KCNAB1: variants seen among roughly 807,000 people sequenced by gnomAD.
The protein encoded by KCNAB1 is voltage-gated potassium channel subunit beta-1.
In KCNAB1, 35 loss-of-function variants were observed where a neutral mutation model predicts 64.6. The observed-to-expected ratio is 0.54, with a 90% CI of 0.41 to 0.72. The LOEUF (loss-of-function observed/expected upper bound fraction) is 0.72. Ranked by LOEUF, KCNAB1 falls within the 30% of genes least tolerant of loss-of-function variation. The probability of loss-of-function intolerance (pLI) is 0.00; values close to 1 mark genes in which losing one functional copy is unlikely to be tolerated. For missense variants in KCNAB1, 401 were observed against 512.9 expected (o/e 0.78, Z 2.11); for synonymous variants, 177 against 183.8 (o/e 0.96, Z 0.30).
chr3:156,176,395 C>G, intron 1 of KCNAB1: 2 of 787,200 alleles, frequency 2.5e-6, no homozygotes, highest in Non-Finnish European at 4.7e-6. Flanking sequence ...CAAAGCTTAA[C>G]TGTGCCATCG....
intron 1 of KCNAB1, among the ~76,000 whole-genome samples, chr3:156,218,786 C>CAAAAA (rs1228783831): frequency 7.6e-5 from 7 of 92,586 alleles, no homozygotes; most frequent in African/African-American, 1.3e-4. Context: ...CCCAGAACAG[C>CAAAAA]AAAAAAAAAA....
At chr3:156,141,859 C>G (rs888332122) in intron 1 of KCNAB1, among the ~76,000 whole-genome samples, 3 of 152,132 alleles carry the variant, frequency 2.0e-5, no homozygotes, top group African/African-American at 7.2e-5. Context: ...GTGGCTGAAC[C>G]ATTTAACATT....
At chr3:156,420,992 G>A (rs1715430213) in intron 1 of KCNAB1, among the ~76,000 whole-genome samples, 1 of 148,704 alleles carries the variant, frequency 6.7e-6, no homozygotes. Flanking sequence ...ATATATCTAT[G>A]TATTATATTA....
At chr3:156,437,220 C>T (rs1284066779) in intron 2 of KCNAB1, among the ~76,000 whole-genome samples, 1 of 152,146 alleles carries the variant, frequency 6.6e-6, no homozygotes, top group Non-Finnish European at 1.5e-5. Flanking sequence ...CCAATTGACC[C>T]ATTGGAACCA....
intron 1 of KCNAB1, among the ~76,000 whole-genome samples, chr3:156,191,672 A>T (rs1040482493): frequency 1.8e-4 from 27 of 151,840 alleles, no homozygotes; most frequent in Admixed American, 1.6e-3. Context: ...GTATTTTTTT[A>T]AAAAATACTT....
intron 1 of KCNAB1, among the ~76,000 whole-genome samples, chr3:156,349,696 G>A (rs577874516): frequency 2.0e-5 from 3 of 152,150 alleles, no homozygotes; most frequent in African/African-American, 7.2e-5. Context: ...GAGTAGCTGC[G>A]ACCACAGGCA....
chr3:156,228,620 C>G (rs1422194253), intron 1 of KCNAB1, among the ~76,000 whole-genome samples: 1 of 152,192 alleles, frequency 6.6e-6, no homozygotes, highest in East Asian at 1.9e-4. Context: ...CTCTCCTTCT[C>G]ATGTTGCCTT....
intron 6 of KCNAB1, among the ~76,000 whole-genome samples, chr3:156,464,874 G>A (rs1204986393): frequency 1.3e-5 from 2 of 152,154 alleles, no homozygotes; most frequent in African/African-American, 4.8e-5. Flanking sequence ...AAATGAGACA[G>A]TCTGCAAGAA....
At chr3:156,161,992 C>G (rs1414727686) in intron 1 of KCNAB1, among the ~76,000 whole-genome samples, 1 of 152,214 alleles carries the variant, frequency 6.6e-6, no homozygotes, top group Non-Finnish European at 1.5e-5. Context: ...CCGAAAACTA[C>G]TCACATAGCA....
intron 1 of KCNAB1, among the ~76,000 whole-genome samples, chr3:156,233,522 G>A (rs1161458920): frequency 6.6e-6 from 1 of 152,194 alleles, no homozygotes; most frequent in Non-Finnish European, 1.5e-5. Flanking sequence ...AGGTTGAGTA[G>A]AGCCTTGGAG....
chr3:156,496,858 C>T lies in KCNAB1; in HGVS notation c.659-17506C>T, dbSNP rs188213772. On this transcript the variant is annotated intron_variant, in intron 8 of 13. Coordinates refer to ENST00000490337, the MANE Select transcript of KCNAB1 (RefSeq NM_172160.3). ...ATTAAGGGCCCCAGATACAACCAGG[C>T]AATGTGTGGAATAGTGAAATAGGTA... Among the ~76,000 whole-genome samples, 4 of 152,104 alleles carry T rather than the reference C, an allele frequency of 2.6e-5. No individual in the cohort carries two copies. In the South Asian group the frequency reaches 6.2e-4, roughly 24 times the overall value.
At chr3:156,273,698 T>A in intron 1 of KCNAB1, 1 of 453,862 alleles carries the variant, frequency 2.2e-6, no homozygotes, top group Non-Finnish European at 4.4e-6. Flanking sequence ...TCTCAGCTGA[T>A]GTTTGGTTCT....
intron 1 of KCNAB1, among the ~76,000 whole-genome samples, chr3:156,256,427 G>A (rs1228082805): frequency 6.6e-6 from 1 of 152,208 alleles, no homozygotes; most frequent in Non-Finnish European, 1.5e-5. Flanking sequence ...ACTTTACACA[G>A]AACACTCAGG....
intron 1 of KCNAB1, among the ~76,000 whole-genome samples, chr3:156,186,397 C>A (rs1246802523): frequency 6.6e-6 from 1 of 152,186 alleles, no homozygotes; most frequent in Admixed American, 6.5e-5. Flanking sequence ...TGGTTCCCTT[C>A]CTGTTCAAAG....
At chr3:156,243,828 C>T (rs1409681903) in intron 1 of KCNAB1, among the ~76,000 whole-genome samples, 1 of 152,220 alleles carries the variant, frequency 6.6e-6, no homozygotes, top group East Asian at 1.9e-4. Context: ...TCACAGTAAT[C>T]AGGGAATGTG....
At chr3:156,192,200 T>C (rs1311395815) in intron 1 of KCNAB1, among the ~76,000 whole-genome samples, 1 of 152,206 alleles carries the variant, frequency 6.6e-6, no homozygotes, top group African/African-American at 2.4e-5. Context: ...CATGAGTTCA[T>C]TCTTTTTATT....
intron 6 of KCNAB1, among the ~76,000 whole-genome samples, chr3:156,464,941 A>G (rs559318586): frequency 4.9e-4 from 74 of 152,344 alleles, no homozygotes; most frequent in African/African-American, 1.8e-3. Context: ...TAATGTACTT[A>G]TTAAGAATAC....
intron 8 of KCNAB1, among the ~76,000 whole-genome samples, chr3:156,499,729 A>G (rs1716255233): frequency 6.6e-6 from 1 of 152,166 alleles, no homozygotes; most frequent in Non-Finnish European, 1.5e-5. Context: ...ATAAAGTGGG[A>G]ATGTAATAAT....
intron 1 of KCNAB1, among the ~76,000 whole-genome samples, chr3:156,177,192 A>G (rs1009122766): frequency 2.6e-5 from 4 of 152,176 alleles, no homozygotes; most frequent in African/African-American, 9.7e-5. Context: ...ATTTCAGGCA[A>G]AAGTTTGGGA....
Sources: gnomAD v4.1 joint callset for allele counts (sites outside exome capture counted in the v4.1 genomes callset) on GRCh38, gnomAD v4.1.1 for gene constraint, MANE v1.5 for transcripts, NCBI Gene and HGNC (gene_info 2026-07-23, HGNC 2026-07-21) for gene names.